Variants in GSN observed in about 807,000 individuals in gnomAD.
GSN encodes the protein gelsolin.
A neutral mutation model predicts 85.7 loss-of-function variants in GSN; 56 were observed. That is an observed-to-expected ratio of 0.65 (90% confidence interval 0.53 to 0.82). The LOEUF is 0.82. GSN is among the 40% of genes least tolerant of loss of function. GSN has a pLI of 0.00. For missense variants in GSN, 857 were observed against 979.8 expected, an observed-to-expected ratio of 0.87 and a Z score of 1.67; for synonymous variants, 373 against 399.1, an observed-to-expected ratio of 0.93 and a Z score of 0.78.
At position 121,327,339 on chromosome 9, in the gene GSN, A is replaced by G. The variant is rs776392493; in HGVS notation, c.1619A>G (p.Asn540Ser). The G allele has an allele frequency of 2.5e-6, 4 of 1,613,910 alleles. No homozygotes were observed. The highest frequency in any genetic ancestry group is 4.5e-5 in the East Asian group (2 of 44,882). ...CCTAAGGCTGGTGCACTGAACTCCA[A>G]CGATGCCTTTGTTCTGAAAACCCCC... ...VLPKAGALNS[N>S]DAFVLKTPSA... The change falls in exon 14 of 18, where the codon AAC becomes AGC. Residue 540 changes from asparagine to serine, a missense_variant. Asn to Ser is a conservative substitution (Grantham distance 46, BLOSUM62 1). Transcript: ENST00000432226.
At chr9:121,264,922 A>G (rs1368779625), upstream of GSN, among the ~76,000 whole-genome samples, 3 of 152,196 alleles carry the variant, frequency 2.0e-5, no homozygotes, top group Non-Finnish European at 4.4e-5. Context: ...GGTAAAAGCC[A>G]TTTTCTGGAA....
intron 8 of GSN, chr9:121,317,488 G>A (rs1447988145): frequency 6.5e-6 from 3 of 463,816 alleles, no homozygotes; most frequent in Admixed American, 3.4e-5. Flanking sequence ...GAGGCTAATT[G>A]GCATCCTGTA....
chr9:121,318,779 G>A lies in GSN; in HGVS notation c.1090G>A (p.Ala364Thr), dbSNP rs763998109. The change falls in exon 10 of 18, where the codon GCC becomes ACC. Residue 364 changes from alanine to threonine, a missense_variant. Transcript: ENST00000432226. This position sits in a 1 kb window ranked among gnomAD's most constrained non-coding sequence, Gnocchi z 4.3. ...LGLSYLSSHIANVERVPFDAA... is the reference protein window; with the variant it reads ...LGLSYLSSHITNVERVPFDAA... ...CTTGTCCTACCTTTCCAGCCATATC[G>A]CCAACGTGGAGCGGGTGCCCTTCGA... is the stretch of plus-strand genomic sequence containing the variant. 5 of 1,614,050 alleles carry A rather than the reference G, an allele frequency of 3.1e-6. No homozygotes were observed. The highest frequency in any genetic ancestry group is 1.3e-5 in the African/African-American group (1 of 75,030).
chr9:121,267,803 G>T (rs1166636151), upstream of GSN, among the ~76,000 whole-genome samples: 1 of 151,934 alleles, frequency 6.6e-6, no homozygotes, highest in Non-Finnish European at 1.5e-5. Flanking sequence ...GCCTCCGCTG[G>T]TGCTAGTTGA....
rs1440742353 is a variant in GSN at position 121,261,349 on chromosome 9, C to T, written c.-340-3805C>T. ...TTGATTTTGCTCCAACAGTGTCAGT[C>T]TCCTGTGTGAGCCTGCGACAGCTTC... On this transcript the variant is annotated intron_variant, in intron 6 of 24. Coordinates refer to the GSN transcript ENST00000373823. This position sits in a 1 kb window ranked among gnomAD's most constrained non-coding sequence, Gnocchi z 4.1. Among the ~76,000 whole-genome samples, 2 of 152,256 alleles carry T rather than the reference C, an allele frequency of 1.3e-5. No individual in the cohort carries two copies. The highest frequency in any genetic ancestry group is 2.9e-5 in the Non-Finnish European group (2 of 68,046).
chr9:121,313,767 C>T, intron 6 of GSN, 167 bp from the exon 7 acceptor site: 1 of 662,830 alleles, frequency 1.5e-6, no homozygotes, highest in South Asian at 1.7e-5. Context: ...CTCTGATGGA[C>T]AGATCTGGAC....
chr9:121,292,298 G>A (rs1200931544), intron 2 of GSN, among the ~76,000 whole-genome samples: 1 of 152,192 alleles, frequency 6.6e-6, no homozygotes, highest in African/African-American at 2.4e-5. Flanking sequence ...TAGCAAGGCT[G>A]GCTCTGTAGG....
intron 2 of GSN, among the ~76,000 whole-genome samples, chr9:121,293,270 G>T (rs1324673594): frequency 2.0e-5 from 3 of 152,142 alleles, no homozygotes; most frequent in African/African-American, 7.2e-5. Flanking sequence ...GTGTCTTTTA[G>T]CATCCTTGAG....
At chr9:121,305,850 G>T (rs1027752658) in intron 4 of GSN, among the ~76,000 whole-genome samples, 2 of 152,180 alleles carry the variant, frequency 1.3e-5, no homozygotes, top group African/African-American at 4.8e-5. Flanking sequence ...TTCTCGCCCC[G>T]GCGCCCTCAT....
At chr9:121,213,800 A>G (rs1212879931) in intron 4 of GSN, among the ~76,000 whole-genome samples, 1 of 152,196 alleles carries the variant, frequency 6.6e-6, no homozygotes, top group African/African-American at 2.4e-5. Flanking sequence ...CTCTCAGCAC[A>G]TGGGCTGGGG....
At chr9:121,253,615 T>A (rs1435529095) in intron 6 of GSN, among the ~76,000 whole-genome samples, 6 of 152,232 alleles carry the variant, frequency 3.9e-5, no homozygotes, top group African/African-American at 1.4e-4. Flanking sequence ...GGCATCAATG[T>A]GTTCACTGCT....
In GSN at chr9:121,272,111, G is replaced by C. The variant is rs534821778; in HGVS notation, c.-103+3892G>C. On this transcript the variant is annotated intron_variant, in intron 1 of 17. Coordinates refer to ENST00000432226, the MANE Select transcript of GSN (RefSeq NM_198252.3). ...AAAATATCTCCTCGCTTTCAACGGAGTGAGCGTGTGTCATATTTCAGCCTG... is the reference window on the plus strand; with the variant it reads ...AAAATATCTCCTCGCTTTCAACGGACTGAGCGTGTGTCATATTTCAGCCTG... Among the ~76,000 whole-genome samples, 5 of 152,332 alleles carry C rather than the reference G, an allele frequency of 3.3e-5. No individual in the cohort carries two copies. The East Asian group carries it at 9.6e-4, about 29-fold the overall frequency.
At chr9:121,223,061 T>G (rs1267548617) in intron 4 of GSN, 1 of 152,186 alleles carries the variant, frequency 6.6e-6, no homozygotes, top group Non-Finnish European at 1.5e-5. Flanking sequence ...GAGGCATTTT[T>G]TTCCCTTACC....
intron 8 of GSN, chr9:121,317,865 GA>G: frequency 5.2e-6 from 1 of 191,188 alleles, no homozygotes; most frequent in Non-Finnish European, 1.1e-5. Flanking sequence ...AAGAGAGAGA[GA>G]GAGACACTAT....
chr9:121,316,004 G>A (rs1284669805), intron 7 of GSN, among the ~76,000 whole-genome samples: 2 of 152,180 alleles, frequency 1.3e-5, no homozygotes, highest in African/African-American at 4.8e-5. Context: ...CTGGCACAGA[G>A]TAGTAAGTAC....
chr9:121,262,386 CCTAA>C (rs1428778814), intron 6 of GSN, among the ~76,000 whole-genome samples: 2 of 152,148 alleles, frequency 1.3e-5, no homozygotes, highest in African/African-American at 4.8e-5. Context: ...GACAAGAATA[CCTAA>C]CTTAGAGGGC....
chr9:121,321,061 C>G (rs1217725240), intron 10 of GSN, among the ~76,000 whole-genome samples: 2 of 152,152 alleles, frequency 1.3e-5, no homozygotes, highest in Non-Finnish European at 2.9e-5. Flanking sequence ...TATGAGGAGC[C>G]CAGGCAGGAA....
intron 3 of GSN, 53 bp from the exon 4 acceptor site, chr9:121,302,858 G>T: frequency 6.3e-7 from 1 of 1,590,160 alleles, no homozygotes; most frequent in South Asian, 1.1e-5. Context: ...TCTTCCTCAG[G>T]GGTCTGGGAT....
At chr9:121,275,815 G>A (rs560580124) in intron 1 of GSN, among the ~76,000 whole-genome samples, 5 of 152,146 alleles carry the variant, frequency 3.3e-5, no homozygotes, top group East Asian at 3.8e-4. Flanking sequence ...ATGCACTAAG[G>A]CTTCATCTTT....
Sources: gnomAD v4.1 joint callset for allele counts (sites outside exome capture counted in the v4.1 genomes callset) on GRCh38, gnomAD v4.1.1 for gene constraint, Gnocchi (gnomAD v3.1) non-coding constraint, MANE v1.5 for transcripts, NCBI Gene and HGNC (gene_info 2026-07-23, HGNC 2026-07-21) for gene names.